Variants in SPRED2 observed in about 807,000 individuals in gnomAD.
SPRED2 encodes the protein sprouty-related, EVH1 domain-containing protein 2.
In SPRED2, 47 loss-of-function variants were observed where a neutral mutation model predicts 43.0. That is an observed-to-expected ratio of 1.09 (90% confidence interval 0.87 to 1.40). The LOEUF is 1.40. Ranked by LOEUF, SPRED2 falls within the 40% of genes most tolerant of loss-of-function variation. SPRED2 has a pLI of 0.00. For synonymous variants in SPRED2, 225 were observed against 225.7 expected (o/e 1.00, Z 0.03); for missense variants, 561 against 586.4 (o/e 0.96, Z 0.45).
chr2:65,423,903 C>T (rs1676496335), intron 1 of SPRED2, among the ~76,000 whole-genome samples: 1 of 152,044 alleles, frequency 6.6e-6, no homozygotes, highest in Non-Finnish European at 1.5e-5. Flanking sequence ...GATTCTCCTG[C>T]CCCAGCCTCC....
chr2:65,313,611 C>A lies in SPRED2; in HGVS notation c.1147G>T (p.Ala383Ser). The A allele has an allele frequency of 6.2e-7, 1 of 1,614,158 alleles. No homozygotes were observed. The highest frequency in any genetic ancestry group is 8.5e-7 in the Non-Finnish European group (1 of 1,180,018). The change falls in exon 6 of 6, where the codon GCC becomes TCC. Residue 383 changes from alanine (A) to serine (S), a missense_variant. Ala to Ser is a moderately conservative substitution (Grantham distance 99, BLOSUM62 1). Transcript: ENST00000356388. ...ATACAGGGGGCCAGGAAAGACAAGG[C>A]AATAAGAGCCATCCACCGGAGGCAA... The part of the protein sequence containing the change: ...KFCLRWMALI[A>S]LSFLAPCMCC...
chr2:65,409,581 A>G (rs1164958095), intron 1 of SPRED2, among the ~76,000 whole-genome samples: 3 of 151,254 alleles, frequency 2.0e-5, no homozygotes, highest in African/African-American at 7.3e-5. Flanking sequence ...TTTACATCTC[A>G]TGCACTATTT....
At chr2:65,344,250 CTAGA>C (rs1273524738) in intron 2 of SPRED2, 2 of 181,294 alleles carry the variant, frequency 1.1e-5, no homozygotes. Flanking sequence ...GAAATAAAAG[CTAGA>C]TAAACATTTA....
intron 1 of SPRED2, among the ~76,000 whole-genome samples, chr2:65,398,764 T>C (rs561702866): frequency 3.9e-5 from 6 of 152,318 alleles, no homozygotes; most frequent in Admixed American, 3.9e-4. Context: ...TTTTACACTG[T>C]TGGTGGGAAT....
chr2:65,345,711 C>T (rs1177360295), intron 1 of SPRED2, among the ~76,000 whole-genome samples: 6 of 152,196 alleles, frequency 3.9e-5, no homozygotes, highest in African/African-American at 7.2e-5. Flanking sequence ...CATGAAATCA[C>T]GTATCTAGGT....
At chr2:65,404,677 G>T (rs949419223) in intron 1 of SPRED2, among the ~76,000 whole-genome samples, 3 of 152,196 alleles carry the variant, frequency 2.0e-5, no homozygotes. Flanking sequence ...CCCAGGAGCT[G>T]GAGTGTCAAC....
At chr2:65,307,444 C>T (rs917946236), downstream of SPRED2, among the ~76,000 whole-genome samples, 6 of 151,708 alleles carry the variant, frequency 4.0e-5, no homozygotes, top group African/African-American at 1.5e-4. Context: ...GATCCACCCT[C>T]TTCGGCCTCC....
chr2:65,338,674 T>C (rs1674059855), intron 2 of SPRED2, among the ~76,000 whole-genome samples: 1 of 151,674 alleles, frequency 6.6e-6, no homozygotes, highest in South Asian at 2.1e-4. Flanking sequence ...GCCGCCTGCC[T>C]TGGCCCCCCA....
rs1371547169 is a variant in SPRED2, at chr2:65,313,987, G to A, written c.771C>T (p.Gly257=). The change falls in exon 6 of 6, where the codon GGC becomes GGT. Residue 257 remains glycine, a synonymous_variant. Transcript: ENST00000356388. ...AGTTGTAGTCATGCTTGGGGACCTC[G>A]CCCTTGGCGAAGCGCACGTAGGAGG... ...ADSSYVRFAK[G]EVPKHDYNYP... is the part of the protein sequence containing the mutation. The A allele has an allele frequency of 3.1e-6, 5 of 1,613,468 alleles. No individual in the cohort carries two copies.
chr2:65,395,395 C>T (rs1012985524), intron 1 of SPRED2, among the ~76,000 whole-genome samples: 6 of 152,278 alleles, frequency 3.9e-5, no homozygotes, highest in East Asian at 1.9e-4. Flanking sequence ...GTTCTCACCA[C>T]GGCAGTACCC....
chr2:65,349,924 C>G (rs1182653164), intron 1 of SPRED2, among the ~76,000 whole-genome samples: 2 of 152,224 alleles, frequency 1.3e-5, no homozygotes, highest in Non-Finnish European at 2.9e-5. Context: ...CGACAGCCAG[C>G]ATTAACTGAG....
At chr2:65,418,336 C>T (rs1676336815) in intron 1 of SPRED2, among the ~76,000 whole-genome samples, 1 of 152,150 alleles carries the variant, frequency 6.6e-6, no homozygotes, top group Non-Finnish European at 1.5e-5. Context: ...TCTCTGAGCT[C>T]CCCCAGCATA....
At chr2:65,314,785 C>A (rs1316863012) in intron 5 of SPRED2, among the ~76,000 whole-genome samples, 4 of 152,172 alleles carry the variant, frequency 2.6e-5, no homozygotes, top group Admixed American at 2.0e-4. Flanking sequence ...CAAAGGATCA[C>A]AATAGGAGAT....
Position 65,313,572 on chromosome 2 carries a change from G to A in SPRED2, c.1186C>T (p.Pro396Ser). ...CCGCAGTGGTAGCAGGCCCGAAGGG[G>A]CAGGTAACAGCACATACAGGGGGCC... ...FLAPCMCCYL[P>S]LRACYHCGVM... Residue 396 changes from proline to serine, a missense_variant, in exon 6 of 6, where the codon CCC becomes TCC. Physicochemically the swap from Pro to Ser is moderately conservative, Grantham distance 74. Around this residue, in one of 6 missense-constraint regions of SPRED2, gnomAD observed 65 missense variants for 60.2 expected, o/e 1.08. Transcript: ENST00000356388. 6.2e-7 allele frequency: 1 copy of A among 1,614,192 alleles called. No homozygotes were observed. The highest frequency in any genetic ancestry group is 8.5e-7 in the Non-Finnish European group (1 of 1,180,024).
At chr2:65,401,730 G>T (rs1675892918) in intron 1 of SPRED2, among the ~76,000 whole-genome samples, 1 of 151,958 alleles carries the variant, frequency 6.6e-6, no homozygotes, top group Admixed American at 6.6e-5. Flanking sequence ...AACCCAGGAG[G>T]TGGAGCTTGC....
intron 1 of SPRED2, chr2:65,373,997 G>C (rs1283166338): frequency 6.6e-6 from 1 of 152,138 alleles, no homozygotes; most frequent in Non-Finnish European, 1.5e-5. Flanking sequence ...CTAGGCAGAC[G>C]AATGTAAGAG....
intron 3 of SPRED2, 159 bp from the exon 4 acceptor site, chr2:65,332,210 T>G (rs1477751775): frequency 2.0e-6 from 1 of 493,558 alleles, no homozygotes; most frequent in African/African-American, 2.0e-5. Flanking sequence ...TTTAATTTAC[T>G]CTTCTTTAAT....
At chr2:65,371,906 T>C (rs554045565) in intron 1 of SPRED2, among the ~76,000 whole-genome samples, 30 of 152,106 alleles carry the variant, frequency 2.0e-4, no homozygotes, top group African/African-American at 7.2e-4. Context: ...TGAAAGCCCG[T>C]CTCTACTAAA....
intron 1 of SPRED2, among the ~76,000 whole-genome samples, chr2:65,401,971 A>C (rs1008435330): frequency 6.6e-6 from 1 of 150,378 alleles, no homozygotes; most frequent in Non-Finnish European, 1.5e-5. Flanking sequence ...ACACACACAC[A>C]CACCTGTTAA....
Sources: gnomAD v4.1 joint callset for allele counts (sites outside exome capture counted in the v4.1 genomes callset) on GRCh38, gnomAD v4.1.1 for gene constraint, gnomAD v4.1.1 regional missense constraint, MANE v1.5 for transcripts, NCBI Gene and HGNC (gene_info 2026-07-23, HGNC 2026-07-21) for gene names.